CYP4X1: variants seen among roughly 807,000 people sequenced by gnomAD.
The protein encoded by CYP4X1 is cytochrome P450 4X1.
In CYP4X1, 44 loss-of-function variants were observed where a neutral mutation model predicts 57.9. That is an observed-to-expected ratio of 0.76 (90% CI 0.60 to 0.98). CYP4X1 has a LOEUF of 0.98. Among genes scored for constraint, CYP4X1 ranks in the 50% least tolerant of loss-of-function variants. The probability of loss-of-function intolerance (pLI) is 0.00; values close to 1 mark genes in which losing one functional copy is unlikely to be tolerated. For synonymous variants in CYP4X1, 227 were observed against 228.6 expected, an observed-to-expected ratio of 0.99 and a Z score of 0.06; for missense variants, 532 against 623.9, an observed-to-expected ratio of 0.85 and a Z score of 1.57.
the CYP4X1 span, among the ~76,000 whole-genome samples, chr1:46,983,515 C>T: frequency 1.3e-5 from 2 of 152,230 alleles, no homozygotes. Flanking sequence ...GGATTTCCTC[C>T]CTACAGAAAT....
the CYP4X1 span, among the ~76,000 whole-genome samples, chr1:46,962,823 C>T: frequency 5.9e-5 from 9 of 152,278 alleles, no homozygotes; most frequent in African/African-American, 2.2e-4. Flanking sequence ...CTTTCTGTCT[C>T]ATTGATCTGT....
At chr1:47,010,149 G>A in the CYP4X1 span, among the ~76,000 whole-genome samples, 4 of 152,162 alleles carry the variant, frequency 2.6e-5, no homozygotes, top group African/African-American at 9.7e-5. Flanking sequence ...GAACATCGAT[G>A]CAAAAATCCT....
At chr1:46,964,313 C>T in the CYP4X1 span, among the ~76,000 whole-genome samples, 92,526 of 151,988 alleles carry the variant, frequency 0.61, 29,570 homozygotes, top group Non-Finnish European at 0.72. Flanking sequence ...GGAAGAGAGG[C>T]GCTCGATTTT....
chr1:47,026,483 C>T (rs1189278868), intron 1 of CYP4X1, among the ~76,000 whole-genome samples: 5 of 152,138 alleles, frequency 3.3e-5, no homozygotes, highest in East Asian at 1.9e-4. Flanking sequence ...ATGAGTCCCC[C>T]GCACTTTGGT....
intron 8 of CYP4X1, among the ~76,000 whole-genome samples, chr1:47,043,251 ATCT>A (rs766030666): frequency 2.6e-5 from 4 of 152,032 alleles, no homozygotes; most frequent in Non-Finnish European, 4.4e-5. Flanking sequence ...CCATTTGTAC[ATCT>A]TCTTTTGAGA....
intron 6 of CYP4X1, among the ~76,000 whole-genome samples, chr1:47,037,337 T>C (rs569140388): frequency 6.7e-6 from 1 of 150,366 alleles, no homozygotes; most frequent in Non-Finnish European, 1.5e-5. Flanking sequence ...AGTGGTGTGA[T>C]CTCAGCTCAC....
At chr1:46,982,116 A>T in the CYP4X1 span, among the ~76,000 whole-genome samples, 2 of 152,336 alleles carry the variant, frequency 1.3e-5, no homozygotes, top group South Asian at 2.1e-4. Context: ...TGTACCCTAG[A>T]ACTTAAAATA....
At position 47,042,286 on chromosome 1, in the gene CYP4X1, CTTTTT is replaced by C. The variant is rs3073873; in HGVS notation, c.1073+2763_1073+2767del. On this transcript the variant is annotated intron_variant, in intron 8 of 11. Coordinates refer to ENST00000371901, the MANE Select transcript of CYP4X1 (RefSeq NM_178033.2). Reference sequence around the variant, plus strand: ...TTTTTATTCCATACGAATTTTAGGGCTTTTTTTTTTTTTCGATTACTGTGAATAAT... The same window carrying C: ...TTTTTATTCCATACGAATTTTAGGGCTTTTTTTTCGATTACTGTGAATAAT... Among the ~76,000 whole-genome samples, 9 of 136,658 alleles carry C rather than the reference CTTTTT, an allele frequency of 6.6e-5. No homozygotes were observed. In the South Asian group the frequency reaches 2.0e-3, roughly 31 times the overall value. 89.7% of individuals were successfully genotyped at this position (136,658 alleles called of 152,430 possible).
At chr1:46,962,944 G>T in the CYP4X1 span, among the ~76,000 whole-genome samples, 1 of 152,076 alleles carries the variant, frequency 6.6e-6, no homozygotes, top group Non-Finnish European at 1.5e-5. Flanking sequence ...TCCTATATTG[G>T]GTGCATATAT....
chr1:47,054,572 G>A (rs527840152), downstream of CYP4X1, among the ~76,000 whole-genome samples: 733 of 152,170 alleles, frequency 4.8e-3, 4 homozygotes, highest in African/African-American at 0.016. Flanking sequence ...TCTTCCATTT[G>A]TTTGTATCCT....
the CYP4X1 span, among the ~76,000 whole-genome samples, chr1:46,990,573 T>A: frequency 9.4e-4 from 143 of 152,180 alleles, no homozygotes; most frequent in Non-Finnish European, 1.7e-3. Context: ...GGATTATAAA[T>A]CATTCTACTA....
In CYP4X1 at chr1:47,039,417, A is replaced by G. The variant is rs745574394; in HGVS notation, c.958A>G (p.Thr320Ala). 33 of 1,613,604 alleles carry G rather than the reference A, an allele frequency of 2.0e-5. No homozygotes were observed. Among genetic ancestry groups the G allele is most frequent in the Non-Finnish European group, 2.6e-5 (31 of 1,179,824 alleles). Residue 320 changes from threonine (T) to alanine (A), a missense_variant, in exon 8 of 12, where the codon ACC (threonine) becomes GCC (alanine). By Grantham distance (58) the Thr-to-Ala change is moderately conservative (BLOSUM62 0). Coordinates refer to ENST00000371901, the MANE Select transcript of CYP4X1 (RefSeq NM_178033.2). ...CACATTCCTGTTGGCAGGACATGAC[A>G]CCTTGGCAGCAAGCATCTCCTGGAT... ...VSTFLLAGHD[T>A]LAASISWILY...
chr1:46,997,736 G>A, the CYP4X1 span, among the ~76,000 whole-genome samples: 8 of 152,162 alleles, frequency 5.3e-5, no homozygotes, highest in Non-Finnish European at 7.4e-5. Flanking sequence ...GGATTGTTGC[G>A]TTTAATGGTA....
Position 47,048,079 on chromosome 1 carries a change from C to CA in CYP4X1, c.1208-473dup, listed in dbSNP as rs34482823. ...GCAACATAGGGAGACCCTGTCTTTA[C>CA]AAAAAAAAAAAAAGAGAGAGATAGC... is the stretch of plus-strand genomic sequence containing the variant. On this transcript the variant is annotated intron_variant, in intron 9 of 11. Transcript: ENST00000371901. Among the ~76,000 whole-genome samples, 808 of 136,364 alleles carry CA rather than the reference C, an allele frequency of 5.9e-3. 6 individuals carry two copies. The highest frequency in any genetic ancestry group is 0.019 in the African/African-American group (692 of 37,336). 89.5% of individuals were successfully genotyped at this position (136,364 alleles called of 152,430 possible). A position where few individuals can be genotyped will look rare whatever the true frequency, so the allele number is the denominator to read the frequency against.
At chr1:46,977,911 A>C in the CYP4X1 span, among the ~76,000 whole-genome samples, 1 of 152,138 alleles carries the variant, frequency 6.6e-6, no homozygotes, top group African/African-American at 2.4e-5. Flanking sequence ...AATACTTTAC[A>C]GACAAGCAAA....
chr1:47,005,234 A>G, the CYP4X1 span, among the ~76,000 whole-genome samples: 3 of 152,162 alleles, frequency 2.0e-5, no homozygotes, highest in African/African-American at 7.2e-5. Flanking sequence ...TGGCCTCAAT[A>G]TTGCTTGGAA....
chr1:47,039,069 G>A (rs1207099374), intron 7 of CYP4X1, among the ~76,000 whole-genome samples: 1 of 152,114 alleles, frequency 6.6e-6, no homozygotes, highest in African/African-American at 2.4e-5. Context: ...AAATTATGAT[G>A]ATAAGGTCCT....
At position 47,049,456 on chromosome 1, in the gene CYP4X1, C is replaced by T; in HGVS notation, c.1307C>T (p.Ser436Phe). 1 of 1,614,090 alleles carries T rather than the reference C, an allele frequency of 6.2e-7. No homozygotes were observed. Among genetic ancestry groups the T allele is most frequent in the Non-Finnish European group, 8.5e-7 (1 of 1,180,006 alleles). The change falls in exon 11 of 12, where the codon TCT (serine) becomes TTT (phenylalanine). Residue 436 changes from serine (S) to phenylalanine (F), a missense_variant. Physicochemically the swap from Ser to Phe is radical, Grantham distance 155 (BLOSUM62 -2). Transcript: ENST00000371901. ...FDPLRFSQEN[S>F]DQRHPYAYLP... ...CCCTTGAGGTTCTCTCAGGAGAATT[C>T]TGATCAGAGACACCCCTATGCCTAC...
chr1:47,020,611 G>A (rs74899025), upstream of CYP4X1, among the ~76,000 whole-genome samples: 1,396 of 152,262 alleles, frequency 9.2e-3, 20 homozygotes, highest in African/African-American at 0.031. Context: ...CACAGTAAAT[G>A]TTCAACCCAT....
Sources: gnomAD v4.1 joint callset for allele counts (sites outside exome capture counted in the v4.1 genomes callset) on GRCh38, gnomAD v4.1.1 for gene constraint, MANE v1.5 for transcripts, NCBI Gene and HGNC (gene_info 2026-07-23, HGNC 2026-07-21) for gene names.